Variants in EDARADD observed in about 807,000 individuals in gnomAD.
EDARADD encodes the protein EDAR associated via death domain.
In EDARADD, 20 loss-of-function variants were observed where a neutral mutation model predicts 25.6. The ratio of observed to expected loss-of-function variants is 0.78; its 90% CI spans 0.55 to 1.14. The LOEUF is 1.14. EDARADD is among the 50% of genes most tolerant of loss of function. The pLI is 0.00. For synonymous variants in EDARADD, 86 were observed against 94.4 expected (o/e 0.91, Z 0.52); for missense variants, 225 against 270.1 (o/e 0.83, Z 1.17).
At chr1:236,400,924 G>C (rs1239118104) in intron 1 of EDARADD, among the ~76,000 whole-genome samples, 1 of 151,924 alleles carries the variant, frequency 6.6e-6, no homozygotes, top group Non-Finnish European at 1.5e-5. Context: ...GGCTGGGAGC[G>C]GTGGCTCACG....
At chr1:236,411,770 C>T (rs1388502049) in intron 2 of EDARADD, among the ~76,000 whole-genome samples, 1 of 152,138 alleles carries the variant, frequency 6.6e-6, no homozygotes, top group African/African-American at 2.4e-5. Flanking sequence ...AGGCTGGTCT[C>T]GCACTCCTGA....
At chr1:236,363,002 AAAAAATATATATATATAT>A (rs1168138987) in intron 3 of EDARADD, among the ~76,000 whole-genome samples, 5 of 58,214 alleles carry the variant, frequency 8.6e-5, no homozygotes, top group Admixed American at 2.2e-4. Context: ...AAAAAAAAAA[AAAAAATATATATATATAT>A]ATATATATAT....
In EDARADD at chr1:236,484,657, G is replaced by A. The variant is rs184215335; in HGVS notation, c.*2008G>A. The stretch of plus-strand genomic sequence containing the variant: ...CTACAGAAGCAGGTTGCAGTGAGCC[G>A]AGATTGCGCCACTGCACACCAGTCT... On this transcript the variant is annotated 3_prime_UTR_variant, in exon 6 of 6. Coordinates refer to ENST00000334232, the MANE Select transcript of EDARADD (RefSeq NM_145861.4). The surrounding 1 kb of genome is among the most constrained non-coding windows in gnomAD (Gnocchi z 4.1). 2.7e-5 allele frequency: 13 copies of A among 488,446 alleles called. No individual in the cohort carries two copies. Among genetic ancestry groups the A allele is most frequent in the East Asian group, 2.6e-4 (7 of 26,530 alleles). The allele number at this position is 488,446 out of a possible 1,614,324, so 30.3% of individuals were successfully genotyped here.
intron 3 of EDARADD, among the ~76,000 whole-genome samples, chr1:236,423,772 G>A (rs191353012): frequency 1.3e-5 from 2 of 152,230 alleles, no homozygotes; most frequent in Admixed American, 6.5e-5. Flanking sequence ...TTTAGGCATG[G>A]GGTATGGAAG....
intron 4 of EDARADD, among the ~76,000 whole-genome samples, chr1:236,441,398 G>T (rs1035957196): frequency 7.0e-6 from 1 of 143,436 alleles, no homozygotes; most frequent in Non-Finnish European, 1.5e-5. Context: ...TGAGATATAT[G>T]AGATATATAT....
chr1:236,361,331 A>G (rs937479096), intron 3 of EDARADD, among the ~76,000 whole-genome samples: 5 of 151,556 alleles, frequency 3.3e-5, no homozygotes, highest in African/African-American at 9.7e-5. Context: ...ATTTAATTTT[A>G]TTGAGATGGA....
At chr1:236,363,002 A>ATAT (rs1455475348) in intron 3 of EDARADD, among the ~76,000 whole-genome samples, 44 of 58,188 alleles carry the variant, frequency 7.6e-4, no homozygotes, top group Non-Finnish European at 1.1e-3. Flanking sequence ...AAAAAAAAAA[A>ATAT]AAAAATATAT....
intron 3 of EDARADD, among the ~76,000 whole-genome samples, chr1:236,424,935 G>A (rs752964979): frequency 5.3e-4 from 81 of 152,288 alleles, no homozygotes; most frequent in Admixed American, 1.2e-3. Flanking sequence ...GAATATTTTG[G>A]ATTTCTAGCC....
chr1:236,444,100 A>G (rs1250079943), intron 4 of EDARADD, among the ~76,000 whole-genome samples: 1 of 152,190 alleles, frequency 6.6e-6, no homozygotes, highest in African/African-American at 2.4e-5. Flanking sequence ...AGCATTTTTT[A>G]GCAATAAAAT....
At chr1:236,464,271 A>ATTT (rs1659122727) in intron 4 of EDARADD, among the ~76,000 whole-genome samples, 1 of 141,178 alleles carries the variant, frequency 7.1e-6, no homozygotes. Context: ...TTTTTTGGAG[A>ATTT]TGGAGTCTCG....
intron 3 of EDARADD, among the ~76,000 whole-genome samples, chr1:236,375,992 T>C (rs552643599): frequency 6.8e-6 from 1 of 146,516 alleles, no homozygotes; most frequent in East Asian, 2.1e-4. Context: ...TGGAGTGCAA[T>C]GGTGCGATCT....
At chr1:236,370,835 A>G (rs1667165546) in intron 3 of EDARADD, among the ~76,000 whole-genome samples, 1 of 152,214 alleles carries the variant, frequency 6.6e-6, no homozygotes, top group Admixed American at 6.5e-5. Context: ...TCTTGTGGCT[A>G]ATATTACTCC....
chr1:236,392,055 C>G (rs1394909705), upstream of EDARADD, among the ~76,000 whole-genome samples: 1 of 152,190 alleles, frequency 6.6e-6, no homozygotes, highest in Non-Finnish European at 1.5e-5. Context: ...CCACAAACTC[C>G]TAACAGTCAG....
intron 3 of EDARADD, among the ~76,000 whole-genome samples, chr1:236,421,013 T>A (rs1029388921): frequency 1.5e-5 from 2 of 129,712 alleles, no homozygotes; most frequent in Admixed American, 8.7e-5. Context: ...GGATTACAGG[T>A]GTGAGCCACT....
Position 236,484,504 on chromosome 1 carries a change from G to A in EDARADD, c.*1855G>A, listed in dbSNP as rs1261150781. Reference sequence around the variant, plus strand: ...AGGCAAGCCCTTCAGTCACCTGGTGGCTAATTAGACCCCTCCCCTTGTGTC... The same window carrying A: ...AGGCAAGCCCTTCAGTCACCTGGTGACTAATTAGACCCCTCCCCTTGTGTC... On this transcript the variant is annotated 3_prime_UTR_variant, in exon 6 of 6. Transcript: ENST00000334232. The surrounding 1 kb of genome is among the most constrained non-coding windows in gnomAD (Gnocchi z 4.1). 1.1e-5 allele frequency: 17 copies of A among 1,551,480 alleles called. No individual in the cohort carries two copies. Among genetic ancestry groups the A allele is most frequent in the Admixed American group, 3.4e-5 (2 of 59,482 alleles).
chr1:236,479,115 T>C (rs901025534), intron 5 of EDARADD, among the ~76,000 whole-genome samples: 2 of 151,936 alleles, frequency 1.3e-5, no homozygotes, highest in Non-Finnish European at 2.9e-5. Flanking sequence ...TCACCACTAA[T>C]GAACTTACTC....
chr1:236,364,539 T>C (rs1282542106), intron 3 of EDARADD, among the ~76,000 whole-genome samples: 1 of 152,242 alleles, frequency 6.6e-6, no homozygotes, highest in Non-Finnish European at 1.5e-5. Flanking sequence ...CAAGGTATAC[T>C]TCACCATTTA....
rs2103043746 is a variant in EDARADD at position 236,484,150 on chromosome 1, C to A, written c.*1501C>A. 7.3e-7 allele frequency: 1 copy of A among 1,375,284 alleles called. No individual in the cohort carries two copies. The highest frequency in any genetic ancestry group is 1.2e-5 in the South Asian group (1 of 86,340). The allele number at this position is 1,375,284 out of a possible 1,614,324, so 85.2% of individuals were successfully genotyped here. A position where few individuals can be genotyped will look rare whatever the true frequency, so the allele number is the denominator to read the frequency against. ...AGAGTGACCAACCCAAAGAGGACAG[C>A]CTCGGCCGTGAATGAGAAGAAGTGC... On this transcript the variant is annotated 3_prime_UTR_variant, in exon 6 of 6. Coordinates refer to ENST00000334232, the MANE Select transcript of EDARADD (RefSeq NM_145861.4). This position sits in a 1 kb window ranked among gnomAD's most constrained non-coding sequence, Gnocchi z 4.1.
chr1:236,353,991 C>T (rs1157776961), intron 3 of EDARADD, among the ~76,000 whole-genome samples: 2 of 152,056 alleles, frequency 1.3e-5, no homozygotes, highest in Non-Finnish European at 2.9e-5. Flanking sequence ...CGTTAGTTCT[C>T]TTGTAGCTGG....
Sources: gnomAD v4.1 joint callset for allele counts (sites outside exome capture counted in the v4.1 genomes callset) on GRCh38, gnomAD v4.1.1 for gene constraint, Gnocchi (gnomAD v3.1) non-coding constraint, MANE v1.5 for transcripts, NCBI Gene and HGNC (gene_info 2026-07-23, HGNC 2026-07-21) for gene names.